Variants in RANBP2 observed in about 807,000 individuals in gnomAD.
RANBP2 encodes the protein RAN binding protein 2.
Under a neutral mutation model 303.6 loss-of-function variants are expected in RANBP2, and 57 were observed. The observed-to-expected ratio is 0.19, with a 90% CI of 0.15 to 0.23. The LOEUF (loss-of-function observed/expected upper bound fraction) is 0.23, where lower values mean the gene tolerates loss of function less well. RANBP2 is among the 10% of genes least tolerant of loss of function. The pLI, the probability that RANBP2 is intolerant of heterozygous loss-of-function variation, is 1.00. For missense variants in RANBP2, 3,138 were observed against 3,780.8 expected, an observed-to-expected ratio of 0.83 and a Z score of 4.46; for synonymous variants, 1,167 against 1,301.5, an observed-to-expected ratio of 0.90 and a Z score of 2.23.
the RANBP2 span, among the ~76,000 whole-genome samples, chr2:109,552,045 G>A: frequency 2.0e-5 from 3 of 152,156 alleles, no homozygotes; most frequent in African/African-American, 7.2e-5. Context: ...CCTGAGCTCC[G>A]CCTACTGTCA....
chr2:109,448,684 A>G, the RANBP2 span, among the ~76,000 whole-genome samples: 1 of 152,228 alleles, frequency 6.6e-6, no homozygotes, highest in African/African-American at 2.4e-5. Flanking sequence ...GGTGAGTTGT[A>G]TACTTATTTC....
the RANBP2 span, among the ~76,000 whole-genome samples, chr2:108,962,278 A>T: frequency 6.6e-6 from 1 of 152,208 alleles, no homozygotes; most frequent in Admixed American, 6.5e-5. Context: ...AAATCTTATG[A>T]AATAGGTAGG....
At chr2:109,112,677 C>T in the RANBP2 span, among the ~76,000 whole-genome samples, 2 of 152,186 alleles carry the variant, frequency 1.3e-5, no homozygotes, top group Admixed American at 6.5e-5. Context: ...GTTGCCATTG[C>T]TTTTGGTGTT....
chr2:109,440,334 G>A, the RANBP2 span, among the ~76,000 whole-genome samples: 4 of 152,342 alleles, frequency 2.6e-5, no homozygotes, highest in East Asian at 1.9e-4. Flanking sequence ...GCCCATGGAC[G>A]CTGGAATACG....
At chr2:109,412,136 A>T in the RANBP2 span, among the ~76,000 whole-genome samples, 2 of 152,304 alleles carry the variant, frequency 1.3e-5, no homozygotes, top group East Asian at 3.9e-4. Context: ...CACAGATGGG[A>T]TGGTGAGCCT....
the RANBP2 span, among the ~76,000 whole-genome samples, chr2:109,611,753 C>G: frequency 0.12 from 18,527 of 152,054 alleles, 1,201 homozygotes; most frequent in Non-Finnish European, 0.14. Context: ...GGTGACAATA[C>G]GAGAAATCCA....
At chr2:108,850,048 C>G in the RANBP2 span, among the ~76,000 whole-genome samples, 1 of 152,178 alleles carries the variant, frequency 6.6e-6, no homozygotes, top group Non-Finnish European at 1.5e-5. Flanking sequence ...ATGCCAGCAC[C>G]TAGGAAGAAA....
chr2:108,976,920 C>T, the RANBP2 span, among the ~76,000 whole-genome samples: 259 of 152,240 alleles, frequency 1.7e-3, no homozygotes, highest in Middle Eastern at 6.8e-3. Flanking sequence ...TCCAAGGAGT[C>T]CTGGTTCCTT....
the RANBP2 span, chr2:109,567,846 T>C: frequency 5.6e-6 from 9 of 1,611,456 alleles, no homozygotes; most frequent in Non-Finnish European, 7.6e-6. Flanking sequence ...AGCAATAGTG[T>C]CATCATCCGT....
chr2:109,312,000 G>A, the RANBP2 span, among the ~76,000 whole-genome samples: 1 of 151,092 alleles, frequency 6.6e-6, no homozygotes, highest in Admixed American at 6.6e-5. Context: ...GCTGCTGCTG[G>A]TGCTGTCCAG....
the RANBP2 span, among the ~76,000 whole-genome samples, chr2:109,049,754 G>A: frequency 2.6e-5 from 4 of 152,124 alleles, no homozygotes; most frequent in African/African-American, 9.7e-5. Context: ...TGAAACATGG[G>A]GATTTATGGA....
At chr2:109,125,790 GTAACA>G in the RANBP2 span, among the ~76,000 whole-genome samples, 1 of 152,208 alleles carries the variant, frequency 6.6e-6, no homozygotes, top group Admixed American at 6.5e-5. Context: ...ATTTAACCGA[GTAACA>G]TAAGACTGTA....
the RANBP2 span, among the ~76,000 whole-genome samples, chr2:108,817,433 C>T: frequency 2.0e-5 from 3 of 152,064 alleles, no homozygotes; most frequent in Non-Finnish European, 2.9e-5. Flanking sequence ...GCTGAGACTA[C>T]AGGTGTGTGC....
chr2:108,943,017 C>T, the RANBP2 span, among the ~76,000 whole-genome samples: 4 of 152,176 alleles, frequency 2.6e-5, no homozygotes, highest in African/African-American at 9.7e-5. Context: ...GCAGGTGACC[C>T]GCATGGTGCA....
the RANBP2 span, among the ~76,000 whole-genome samples, chr2:109,078,748 C>T: frequency 7.2e-6 from 1 of 138,582 alleles, no homozygotes; most frequent in Non-Finnish European, 1.7e-5. Flanking sequence ...TTTGGGAGGC[C>T]AAGGCGGGCA....
At chr2:109,652,296 C>T in the RANBP2 span, among the ~76,000 whole-genome samples, 203 of 151,924 alleles carry the variant, frequency 1.3e-3, 1 homozygote, top group Non-Finnish European at 1.4e-3. Flanking sequence ...CATCTCGGCT[C>T]ACTGCAAGCT....
the RANBP2 span, among the ~76,000 whole-genome samples, chr2:109,077,295 T>G: frequency 6.6e-6 from 1 of 150,540 alleles, no homozygotes; most frequent in East Asian, 1.9e-4. Flanking sequence ...CACGGAAACA[T>G]AGAGAAAAAT....
At chr2:109,256,254 G>A in the RANBP2 span, among the ~76,000 whole-genome samples, 30 of 152,182 alleles carry the variant, frequency 2.0e-4, no homozygotes, top group Admixed American at 1.0e-3. Context: ...GACAGGTCGC[G>A]CATTGTTTCA....
chr2:109,460,999 C>A, the RANBP2 span, among the ~76,000 whole-genome samples: 1 of 152,254 alleles, frequency 6.6e-6, no homozygotes, highest in African/African-American at 2.4e-5. Flanking sequence ...CAAGTCTTAT[C>A]TTCCTGTGTG....
Sources: allele counts gnomAD v4.1 joint callset (sites outside exome capture counted in the v4.1 genomes callset), GRCh38; gene constraint gnomAD v4.1.1; transcripts MANE v1.5; gene names NCBI Gene and HGNC (gene_info 2026-07-23, HGNC 2026-07-21).